MYO5B: variants seen among roughly 807,000 people sequenced by gnomAD.
The protein encoded by MYO5B is myosin VB, also known as unconventional myosin-Vb.
In MYO5B, 143 loss-of-function variants were observed where a neutral mutation model predicts 229.3. That is an observed-to-expected ratio of 0.62 (90% CI 0.54 to 0.72). MYO5B has a LOEUF of 0.72. Among genes scored for constraint, MYO5B ranks in the 30% least tolerant of loss-of-function variants. The pLI, the probability that MYO5B is intolerant of heterozygous loss-of-function variation, is 0.00. For synonymous variants in MYO5B, 918 were observed against 885.2 expected (o/e 1.04, Z -0.66); for missense variants, 2,321 against 2,331.0 (o/e 1.00, Z 0.09).
chr18:49,831,541 C>A lies in MYO5B; in HGVS notation c.5394+3803G>T, dbSNP rs183880472. 7.2e-5 allele frequency among the ~76,000 whole-genome samples: 11 copies of A among 152,160 alleles called. No individual in the cohort carries two copies. The East Asian group carries it at 1.5e-3, about 21-fold the overall frequency. On this transcript the variant is annotated intron_variant, in intron 39 of 39. Transcript: ENST00000285039. ...TGCTAGTCATCAGAGAGATACAAAT[C>A]CAAACCACAATGAGATGCCACTTCA...
chr18:49,937,491 G>A (rs773976706), intron 14 of MYO5B, 94 bp from the exon 15 acceptor site: 83 of 1,435,484 alleles, frequency 5.8e-5, no homozygotes, highest in African/African-American at 7.1e-5. Flanking sequence ...ACCTGAGAAC[G>A]GAAAACACAC....
At chr18:50,175,278 A>G (rs1194594795) in intron 1 of MYO5B, among the ~76,000 whole-genome samples, 1 of 151,788 alleles carries the variant, frequency 6.6e-6, no homozygotes, top group Non-Finnish European at 1.5e-5. Flanking sequence ...CCTCTTTCTA[A>G]TCTCCTTCAT....
intron 21 of MYO5B, among the ~76,000 whole-genome samples, chr18:49,899,206 C>T (rs2024814095): frequency 6.6e-6 from 1 of 152,130 alleles, no homozygotes; most frequent in South Asian, 2.1e-4. Flanking sequence ...GCTTAGAAAC[C>T]TTGTGTGACC....
chr18:49,911,939 A>G, intron 18 of MYO5B, 123 bp downstream of exon 18: 3 of 806,902 alleles, frequency 3.7e-6, no homozygotes, highest in South Asian at 2.8e-5. Context: ...ATGGATTAAT[A>G]TCCCAGAAAT....
rs181152796 is a variant in MYO5B, at chr18:49,969,512, C to T, written c.1322+4838G>A. On this transcript the variant is annotated intron_variant, in intron 10 of 39. Transcript: ENST00000285039. ...GTAAATGAATATGTAAAACACATTC[C>T]GCCTGCTCCCACACTGTGGCGTGTA... Among the ~76,000 whole-genome samples, 22 of 152,212 alleles carry T rather than the reference C, an allele frequency of 1.4e-4. 1 individual carries two copies. The East Asian group carries it at 4.1e-3, about 28-fold the overall frequency.
At chr18:49,842,823 C>A (rs1022123024) in intron 34 of MYO5B, among the ~76,000 whole-genome samples, 5 of 152,226 alleles carry the variant, frequency 3.3e-5, no homozygotes, top group African/African-American at 9.6e-5. Flanking sequence ...CCCAGGGAAG[C>A]AAGCACCCGG....
intron 14 of MYO5B, among the ~76,000 whole-genome samples, chr18:49,945,229 C>T (rs1159147132): frequency 6.6e-6 from 1 of 152,182 alleles, no homozygotes; most frequent in Non-Finnish European, 1.5e-5. Context: ...ACCATCCCTC[C>T]CAGATCCTGC....
intron 16 of MYO5B, among the ~76,000 whole-genome samples, chr18:49,933,243 C>T (rs1435580262): frequency 1.3e-5 from 2 of 152,184 alleles, no homozygotes; most frequent in Non-Finnish European, 2.9e-5. Context: ...AGGTCCTCCA[C>T]AAAGCGTTCC....
chr18:50,185,613 G>A (rs2033137404), intron 1 of MYO5B, among the ~76,000 whole-genome samples: 1 of 152,118 alleles, frequency 6.6e-6, no homozygotes, highest in African/African-American at 2.4e-5. Flanking sequence ...ATTATACATT[G>A]TATACGTGTA....
At position 49,914,833 on chromosome 18, in the gene MYO5B, T is replaced by C. The variant is rs535981356; in HGVS notation, c.2091-2660A>G. 1.5e-3 allele frequency among the ~76,000 whole-genome samples: 232 copies of C among 150,598 alleles called. 3 individuals are homozygous for C. Among genetic ancestry groups the C allele is most frequent in the East Asian group, 1.2e-3 (6 of 5,096 alleles). On this transcript the variant is annotated intron_variant, in intron 17 of 39. Coordinates refer to ENST00000285039, the MANE Select transcript of MYO5B (RefSeq NM_001080467.3). ...AAAAAGAAACGAGTGCTGTGGAGTA[T>C]CACATACAGCTTTGGATTCAGCTGC...
At chr18:49,953,892 ATATGTGTGTG>A (rs1310137935) in intron 13 of MYO5B, among the ~76,000 whole-genome samples, 2,321 of 127,632 alleles carry the variant, frequency 0.018, 71 homozygotes, top group African/African-American at 0.061. Flanking sequence ...ATATATACAT[ATATGTGTGTG>A]TGTGTGTGTG....
chr18:50,021,927 C>T (rs141756301), intron 4 of MYO5B, among the ~76,000 whole-genome samples: 92 of 152,148 alleles, frequency 6.0e-4, no homozygotes, highest in African/African-American at 2.1e-3. Flanking sequence ...TCATCCATTC[C>T]CAAGGCTTTA....
At chr18:50,084,595 C>T (rs569846525) in intron 1 of MYO5B, among the ~76,000 whole-genome samples, 103 of 152,208 alleles carry the variant, frequency 6.8e-4, no homozygotes, top group Non-Finnish European at 1.3e-3. Context: ...GGGAAGAGCC[C>T]GCATCGCCAT....
At chr18:49,966,337 A>G (rs1348014732) in intron 10 of MYO5B, among the ~76,000 whole-genome samples, 3 of 152,294 alleles carry the variant, frequency 2.0e-5, no homozygotes, top group African/African-American at 7.2e-5. Flanking sequence ...TCAAAGATGT[A>G]AAGTGTATGC....
chr18:50,125,345 G>A (rs970723716), intron 1 of MYO5B, among the ~76,000 whole-genome samples: 1 of 138,158 alleles, frequency 7.2e-6, no homozygotes, highest in African/African-American at 2.7e-5. Flanking sequence ...CACAGGGTGG[G>A]GAACATCACA....
At chr18:50,192,075 GA>G (rs33915528) in intron 1 of MYO5B, among the ~76,000 whole-genome samples, 63,948 of 149,026 alleles carry the variant, frequency 0.43, 14,454 homozygotes, top group East Asian at 0.54. Context: ...CCATTTGAGA[GA>G]AAAAAAAAAA....
chr18:50,077,813 C>T (rs1433321675), intron 1 of MYO5B, among the ~76,000 whole-genome samples: 2 of 152,092 alleles, frequency 1.3e-5, no homozygotes, highest in African/African-American at 4.8e-5. Flanking sequence ...GCTCTGTAAC[C>T]CAGGGACAAG....
chr18:50,053,316 G>A (rs1005391087), intron 2 of MYO5B, among the ~76,000 whole-genome samples: 5 of 152,192 alleles, frequency 3.3e-5, no homozygotes, highest in African/African-American at 1.2e-4. Flanking sequence ...GATGGGGTCT[G>A]GGCAGCTGCC....
chr18:49,990,625 C>A (rs986141124), intron 6 of MYO5B, 105 bp from the exon 7 acceptor site: 17 of 889,366 alleles, frequency 1.9e-5, no homozygotes, highest in South Asian at 2.8e-5. Flanking sequence ...CTGAGCCCCC[C>A]ACTCTTCCCA....
Sources: allele counts gnomAD v4.1 joint callset (sites outside exome capture counted in the v4.1 genomes callset), GRCh38; gene constraint gnomAD v4.1.1; transcripts MANE v1.5; gene names NCBI Gene and HGNC (gene_info 2026-07-23, HGNC 2026-07-21).